C11orf58: variants seen among roughly 807,000 people sequenced by gnomAD.
The protein encoded by C11orf58 is small acidic protein.
Under a neutral mutation model 22.7 loss-of-function variants are expected in C11orf58, and 5 were observed. That is an observed-to-expected ratio of 0.22 (90% CI 0.12 to 0.46). The LOEUF is 0.46. Among genes scored for constraint, C11orf58 ranks in the 20% least tolerant of loss-of-function variants. The pLI is 0.99. For missense variants in C11orf58, 151 were observed against 223.3 expected, an observed-to-expected ratio of 0.68 and a Z score of 2.06; for synonymous variants, 71 against 70.7, an observed-to-expected ratio of 1.00 and a Z score of -0.02.
intron 3 of C11orf58, chr11:16,752,503 T>C: frequency 4.9e-6 from 1 of 203,202 alleles, no homozygotes. Flanking sequence ...AGAGTTTTTA[T>C]TAGGTGACTA....
At chr11:16,744,297 G>C (rs569151210) in intron 1 of C11orf58, 5 of 276,560 alleles carry the variant, frequency 1.8e-5, no homozygotes, top group African/African-American at 1.1e-4. Context: ...CCCCAGACCC[G>C]CTGAATCTCT....
In C11orf58 at chr11:16,754,821, T is replaced by C. The variant is rs749722453; in HGVS notation, c.319-50T>C. 6 of 1,594,120 alleles carry C rather than the reference T, an allele frequency of 3.8e-6. No individual in the cohort carries two copies. In the African/African-American group the frequency reaches 8.2e-5, roughly 22 times the overall value. On this transcript the variant is annotated intron_variant, in intron 4 of 4. Coordinates refer to ENST00000228136, the MANE Select transcript of C11orf58 (RefSeq NM_014267.6). ...AGAACTTACGGTCTTTCTCAGATTT[T>C]GTATGGGCTAATGTTTATTTTTAAA...
chr11:16,747,875 T>C (rs534596202), intron 2 of C11orf58: 7 of 399,910 alleles, frequency 1.8e-5, no homozygotes, highest in Non-Finnish European at 2.3e-5. Flanking sequence ...TAATCACACT[T>C]AGTACTTTCT....
At chr11:16,740,806 C>A (rs1418973407) in intron 1 of C11orf58, among the ~76,000 whole-genome samples, 38 of 140,794 alleles carry the variant, frequency 2.7e-4, no homozygotes, top group Non-Finnish European at 4.7e-4. Context: ...AAAAAAAAAA[C>A]TAGCAGGCCG....
intron 4 of C11orf58, 75 bp downstream of exon 4, chr11:16,752,969 CT>C (rs1848545613): frequency 3.5e-6 from 4 of 1,143,930 alleles, no homozygotes; most frequent in Non-Finnish European, 5.0e-6. Flanking sequence ...TTAGATTACC[CT>C]AGCAATCAAG....
At chr11:16,747,870 A>G (rs1848499454) in intron 2 of C11orf58, 1 of 333,678 alleles carries the variant, frequency 3.0e-6, no homozygotes, top group Non-Finnish European at 5.5e-6. Context: ...TGTTTTAATC[A>G]CACTTAGTAC....
chr11:16,739,794 G>A (rs967700306), intron 1 of C11orf58, among the ~76,000 whole-genome samples: 1 of 151,688 alleles, frequency 6.6e-6, no homozygotes, highest in Admixed American at 6.6e-5. Flanking sequence ...GTTTTTTTTC[G>A]GTTTTGTTTA....
At position 16,756,226 on chromosome 11, in the gene C11orf58, A is replaced by G. The variant is rs1848575567; in HGVS notation, c.*1122A>G. On this transcript the variant is annotated 3_prime_UTR_variant, in exon 5 of 5. Coordinates refer to ENST00000228136, the MANE Select transcript of C11orf58 (RefSeq NM_014267.6). ...ACCTGTTTGTGAGCTGAGCTATTAT[A>G]CATCTACATACTTAAAGGATGTATT... The G allele has an allele frequency of 6.7e-6, 1 of 149,588 alleles. No homozygotes were observed. The highest frequency in any genetic ancestry group is 2.5e-5 in the African/African-American group (1 of 40,630). 9.3% of individuals were successfully genotyped at this position (149,588 alleles called of 1,614,324 possible). A position where few individuals can be genotyped will look rare whatever the true frequency, so the allele number is the denominator to read the frequency against.
chr11:16,742,867 G>A (rs1848458697), intron 1 of C11orf58, among the ~76,000 whole-genome samples: 1 of 151,984 alleles, frequency 6.6e-6, no homozygotes, highest in South Asian at 2.1e-4. Context: ...TTGGTTCCAG[G>A]ACCCACCCAC....
At chr11:16,745,511 A>AAG (rs1590073409) in intron 2 of C11orf58, among the ~76,000 whole-genome samples, 1 of 152,232 alleles carries the variant, frequency 6.6e-6, no homozygotes, top group African/African-American at 2.4e-5. Flanking sequence ...AATTATAAGG[A>AAG]AGAGAAAATA....
intron 3 of C11orf58, chr11:16,749,351 A>G (rs933392069): frequency 1.3e-5 from 2 of 152,226 alleles, no homozygotes; most frequent in Non-Finnish European, 1.5e-5. Context: ...GTGTTAAACA[A>G]TTACTTCAAA....
intron 4 of C11orf58, among the ~76,000 whole-genome samples, chr11:16,753,261 G>A (rs978769365): frequency 4.6e-5 from 7 of 151,728 alleles, no homozygotes; most frequent in Non-Finnish European, 8.8e-5. Flanking sequence ...TAGAGATGGG[G>A]TTTCACCATG....
Position 16,748,104 on chromosome 11 carries a change from A to G in C11orf58, c.155A>G (p.His52Arg), listed in dbSNP as rs1848502076. 1.2e-6 allele frequency: 2 copies of G among 1,612,256 alleles called. No homozygotes were observed. Among genetic ancestry groups the G allele is most frequent in the Non-Finnish European group, 1.7e-6 (2 of 1,178,438 alleles). Residue 52 changes from histidine to arginine, a missense_variant, in exon 3 of 5, where the codon CAT (histidine) becomes CGT (arginine). Coordinates refer to ENST00000228136, the MANE Select transcript of C11orf58 (RefSeq NM_014267.6). ...TTTTCAACCTTCTTATAGAAAGAAC[A>G]TACTGGTCGTCTTGTTATAGGAGAT... Reference protein sequence around the residue: ...LRLMGAGKKEHTGRLVIGDHK... With the variant: ...LRLMGAGKKERTGRLVIGDHK...
intron 1 of C11orf58, 144 bp from the exon 2 acceptor site, chr11:16,744,457 C>T (rs905630766): frequency 1.6e-6 from 1 of 635,228 alleles, no homozygotes. Flanking sequence ...GATGAATATG[C>T]TTAACTTCCT....
intron 4 of C11orf58, among the ~76,000 whole-genome samples, chr11:16,753,382 T>C (rs1207025556): frequency 2.0e-5 from 3 of 151,872 alleles, no homozygotes; most frequent in South Asian, 2.1e-4. Context: ...TATTTTTCTT[T>C]TGGAGACAGT....
rs1391120895 is a variant in C11orf58 at position 16,756,736 on chromosome 11, C to A, written c.*1632C>A. On this transcript the variant is annotated 3_prime_UTR_variant, in exon 5 of 5. Transcript: ENST00000228136. ...CCAGCCTGACCAACATGGAGAAACC[C>A]CATCTCTACTAAAAATACAAAATTA... The A allele has an allele frequency of 1.3e-5, 2 of 151,294 alleles. No homozygotes were observed. Among genetic ancestry groups the A allele is most frequent in the African/African-American group, 4.9e-5 (2 of 41,184 alleles). 9.4% of individuals were successfully genotyped at this position (151,294 alleles called of 1,614,324 possible). A position where few individuals can be genotyped will look rare whatever the true frequency, so the allele number is the denominator to read the frequency against.
chr11:16,740,962 A>G lies in C11orf58; in HGVS notation c.63+2121A>G, dbSNP rs936813403. On this transcript the variant is annotated intron_variant, in intron 1 of 4. Coordinates refer to ENST00000228136, the MANE Select transcript of C11orf58 (RefSeq NM_014267.6). ...TACAAAAAAATTAACCGGGCGTGGTAGCGGGCGCCTGTAGTCCCAGCTACT... is the reference window on the plus strand; with the variant it reads ...TACAAAAAAATTAACCGGGCGTGGTGGCGGGCGCCTGTAGTCCCAGCTACT... Among the ~76,000 whole-genome samples the G allele has an allele frequency of 2.6e-5, 4 of 151,846 alleles. No homozygotes were observed. The East Asian group carries it at 7.9e-4, about 30-fold the overall frequency.
At chr11:16,738,933 T>C (rs1848419744) in intron 1 of C11orf58, 92 bp downstream of exon 1, 14 of 1,427,844 alleles carry the variant, frequency 9.8e-6, no homozygotes, top group Middle Eastern at 3.5e-4. Flanking sequence ...GCGCCTGAGG[T>C]GGCCTGCAGC....
chr11:16,757,382 TA>T lies in C11orf58; in HGVS notation c.*2282del, dbSNP rs1848588978. Among the ~76,000 whole-genome samples, 3 of 152,314 alleles carry T rather than the reference TA, an allele frequency of 2.0e-5. 1 individual carries two copies. Among genetic ancestry groups the T allele is most frequent in the South Asian group, 4.1e-4 (2 of 4,826 alleles). ...GCAACTTGTTTTAAAATAACTACAC[TA>T]AAAGACTTTCTTCATCTCCGTATAG... On this transcript the variant is annotated 3_prime_UTR_variant, in exon 5 of 5. Coordinates refer to ENST00000228136, the MANE Select transcript of C11orf58 (RefSeq NM_014267.6).
Sources: allele counts gnomAD v4.1 joint callset (sites outside exome capture counted in the v4.1 genomes callset), GRCh38; gene constraint gnomAD v4.1.1; transcripts MANE v1.5; gene names NCBI Gene and HGNC (gene_info 2026-07-23, HGNC 2026-07-21).